Variants in LRMDA observed in about 807,000 individuals in gnomAD.
LRMDA encodes the protein leucine-rich melanocyte differentiation-associated protein.
A neutral mutation model predicts 29.8 loss-of-function variants in LRMDA; 18 were observed. The observed-to-expected ratio is 0.60, with a 90% CI of 0.42 to 0.90. The LOEUF (loss-of-function observed/expected upper bound fraction) is 0.90. Among genes scored for constraint, LRMDA ranks in the 40% least tolerant of loss-of-function variants. LRMDA has a pLI of 0.00. For missense variants in LRMDA, 273 were observed against 273.9 expected, an observed-to-expected ratio of 1.00 and a Z score of 0.02; for synonymous variants, 125 against 109.4, an observed-to-expected ratio of 1.14 and a Z score of -0.89.
At chr10:76,238,837 G>A (rs1326017720) in intron 5 of LRMDA, among the ~76,000 whole-genome samples, 1 of 151,708 alleles carries the variant, frequency 6.6e-6, no homozygotes, top group African/African-American at 2.4e-5. Flanking sequence ...ATAAAGAAGA[G>A]TGTGTGATGG....
chr10:75,899,104 T>A (rs1288939884), intron 2 of LRMDA, among the ~76,000 whole-genome samples: 1 of 152,210 alleles, frequency 6.6e-6, no homozygotes, highest in Non-Finnish European at 1.5e-5. Context: ...TAGGGTGCTT[T>A]GACTTCTCGC....
chr10:75,712,365 C>T (rs1452271222), intron 2 of LRMDA, among the ~76,000 whole-genome samples: 1 of 150,920 alleles, frequency 6.6e-6, no homozygotes, highest in South Asian at 2.1e-4. Flanking sequence ...CAATAGAAAA[C>T]GACACGTGGC....
intron 1 of LRMDA, among the ~76,000 whole-genome samples, chr10:75,433,442 C>G (rs772117155): frequency 2.0e-5 from 3 of 152,172 alleles, no homozygotes; most frequent in Non-Finnish European, 4.4e-5. Flanking sequence ...TGGGGAGGAG[C>G]TAAGAAGGTA....
At chr10:76,133,141 G>A (rs1850029406) in intron 5 of LRMDA, among the ~76,000 whole-genome samples, 1 of 151,980 alleles carries the variant, frequency 6.6e-6, no homozygotes, top group Non-Finnish European at 1.5e-5. Context: ...TTCTAAGGGT[G>A]ACTTCACTTT....
intron 5 of LRMDA, chr10:76,260,853 ATCT>A (rs1284592854): frequency 3.3e-5 from 5 of 152,172 alleles, no homozygotes; most frequent in African/African-American, 1.2e-4. Flanking sequence ...GGCCATGCTA[ATCT>A]TCTCTGTATC....
chr10:75,550,095 T>C (rs1178416710), intron 2 of LRMDA, among the ~76,000 whole-genome samples: 1 of 152,228 alleles, frequency 6.6e-6, no homozygotes, highest in Non-Finnish European at 1.5e-5. Context: ...AATAAGCAGC[T>C]ATAAACATTT....
chr10:76,365,291 A>C (rs746520148), intron 6 of LRMDA, among the ~76,000 whole-genome samples: 4 of 151,728 alleles, frequency 2.6e-5, no homozygotes, highest in African/African-American at 9.7e-5. Flanking sequence ...ATCAAATGGT[A>C]GTTCTACTTT....
chr10:76,538,568 A>G (rs1402495533), intron 6 of LRMDA, among the ~76,000 whole-genome samples: 1 of 148,646 alleles, frequency 6.7e-6, no homozygotes, highest in Non-Finnish European at 1.5e-5. Flanking sequence ...ACACACACAC[A>G]CACACATATA....
chr10:76,301,125 T>A (rs961181343), intron 5 of LRMDA, among the ~76,000 whole-genome samples: 4 of 152,224 alleles, frequency 2.6e-5, no homozygotes, highest in East Asian at 1.9e-4. Context: ...ATTAAAAATT[T>A]AAAAAATTAC....
chr10:76,420,803 A>G (rs1842064560), intron 6 of LRMDA, among the ~76,000 whole-genome samples: 1 of 152,104 alleles, frequency 6.6e-6, no homozygotes, highest in Non-Finnish European at 1.5e-5. Context: ...TATGTAGCTT[A>G]ATTTCCCAGC....
intron 2 of LRMDA, among the ~76,000 whole-genome samples, chr10:75,445,714 G>T (rs777766867): frequency 2.6e-5 from 4 of 152,232 alleles, no homozygotes; most frequent in Non-Finnish European, 5.9e-5. Flanking sequence ...CCCTGAGTGG[G>T]CTGCCTGCTT....
chr10:75,847,833 A>G, intron 2 of LRMDA, among the ~76,000 whole-genome samples: 1 of 152,226 alleles, frequency 6.6e-6, no homozygotes, highest in East Asian at 1.9e-4. Flanking sequence ...ATCACTAATC[A>G]TAAGAGAAAG....
intron 6 of LRMDA, among the ~76,000 whole-genome samples, chr10:76,395,652 C>T (rs1841775378): frequency 6.6e-6 from 1 of 152,144 alleles, no homozygotes; most frequent in Non-Finnish European, 1.5e-5. Context: ...ATTCAGATTC[C>T]CATATTAGTT....
At chr10:76,242,781 A>G (rs1410297809) in intron 5 of LRMDA, among the ~76,000 whole-genome samples, 1 of 152,230 alleles carries the variant, frequency 6.6e-6, no homozygotes, top group Non-Finnish European at 1.5e-5. Flanking sequence ...AACTCAACCC[A>G]TAACAATTGT....
chr10:75,940,515 A>G (rs2132409269), intron 2 of LRMDA, among the ~76,000 whole-genome samples: 1 of 152,216 alleles, frequency 6.6e-6, no homozygotes, highest in South Asian at 2.1e-4. Context: ...TAAAAGTGAG[A>G]GTTTGCACCC....
intron 5 of LRMDA, among the ~76,000 whole-genome samples, chr10:76,118,840 CTTTTT>C (rs962279433): frequency 5.4e-4 from 25 of 46,006 alleles, no homozygotes; most frequent in African/African-American, 1.8e-3. Context: ...TGCAAATACA[CTTTTT>C]TTTTTTTTTT....
At chr10:76,464,389 G>A (rs1307802707) in intron 6 of LRMDA, among the ~76,000 whole-genome samples, 2 of 152,104 alleles carry the variant, frequency 1.3e-5, no homozygotes, top group Admixed American at 6.6e-5. Flanking sequence ...GACTAGAATG[G>A]CCTGGTACCC....
chr10:76,522,137 A>G (rs1843127568), intron 6 of LRMDA, among the ~76,000 whole-genome samples: 1 of 152,212 alleles, frequency 6.6e-6, no homozygotes, highest in Non-Finnish European at 1.5e-5. Flanking sequence ...GAAATTTTCA[A>G]TAAACATGTG....
chr10:76,363,729 A>G (rs892161606), intron 6 of LRMDA, among the ~76,000 whole-genome samples: 1 of 152,064 alleles, frequency 6.6e-6, no homozygotes, highest in Non-Finnish European at 1.5e-5. Context: ...CCATAAAAGA[A>G]GGGTAGAACT....
Sources: allele counts gnomAD v4.1 joint callset (sites outside exome capture counted in the v4.1 genomes callset), GRCh38; gene constraint gnomAD v4.1.1; transcripts MANE v1.5; gene names NCBI Gene and HGNC (gene_info 2026-07-23, HGNC 2026-07-21).